Variants in DMD observed in about 807,000 individuals in gnomAD.
The protein encoded by DMD is dystrophin.
DMD carries 63 observed loss-of-function variants against 330.1 expected under a neutral mutation model. That is an observed-to-expected ratio of 0.19 (90% CI 0.16 to 0.24). The LOEUF (loss-of-function observed/expected upper bound fraction) is 0.24. Ranked by LOEUF, DMD falls within the 10% of genes least tolerant of loss-of-function variation. The pLI is 1.00. For missense variants in DMD, 3,344 were observed against 2,684.1 expected, an observed-to-expected ratio of 1.25 and a Z score of -5.43; for synonymous variants, 1,223 against 959.8, an observed-to-expected ratio of 1.27 and a Z score of -5.07.
intron 60 of DMD, among the ~76,000 whole-genome samples, chrX:31,351,372 G>A (rs1006003009): frequency 9.1e-6 from 1 of 110,454 alleles, no homozygotes; most frequent in Non-Finnish European, 1.9e-5. Context: ...TTTCTGTCAC[G>A]TGGTAATTGC....
At chrX:32,224,030 A>T (rs768960305) in intron 43 of DMD, among the ~76,000 whole-genome samples, 5 of 111,396 alleles carry the variant, frequency 4.5e-5, no homozygotes, top group African/African-American at 1.6e-4. Context: ...CTTTTCAAGA[A>T]CTTTTCCCAT....
At chrX:32,510,994 A>C (rs1198665448) in intron 18 of DMD, among the ~76,000 whole-genome samples, 1 of 109,909 alleles carries the variant, frequency 9.1e-6, no homozygotes, top group Non-Finnish European at 1.9e-5. Flanking sequence ...GTGTATGTAC[A>C]TATATGTACA....
intron 1 of DMD, among the ~76,000 whole-genome samples, chrX:33,204,422 TC>T (rs2148839682): frequency 8.9e-6 from 1 of 111,790 alleles, no homozygotes; most frequent in Non-Finnish European, 1.9e-5. Context: ...CTCCCTCTTT[TC>T]TTTTGGACAA....
intron 45 of DMD, among the ~76,000 whole-genome samples, chrX:31,967,916 CTA>C: frequency 8.9e-6 from 1 of 111,858 alleles, no homozygotes; most frequent in South Asian, 3.7e-4. Flanking sequence ...GTAAGTGACA[CTA>C]TCACTTTTTT....
At chrX:32,496,466 T>G (rs1472989256) in intron 19 of DMD, among the ~76,000 whole-genome samples, 7 of 112,265 alleles carry the variant, frequency 6.2e-5, no homozygotes, top group Non-Finnish European at 1.3e-4. Context: ...TAAAAATTAA[T>G]AGTATATATA....
chrX:32,115,030 A>G (rs753035315), intron 44 of DMD, among the ~76,000 whole-genome samples: 2 of 112,142 alleles, frequency 1.8e-5, no homozygotes, highest in South Asian at 3.8e-4. Context: ...TTTTGATTCT[A>G]TCATGAAGGA....
intron 75 of DMD, 36 bp from the exon 76 acceptor site, chrX:31,146,450 T>A (rs779670044): frequency 1.7e-6 from 2 of 1,183,055 alleles, no homozygotes; most frequent in Non-Finnish European, 2.3e-6. Context: ...TTACTTTTCA[T>A]AATAAACATA....
chrX:31,506,448 T>C (rs770568185), intron 56 of DMD, among the ~76,000 whole-genome samples: 58 of 112,208 alleles, frequency 5.2e-4, no homozygotes, highest in African/African-American at 1.8e-3. Context: ...TAAAGAGAAA[T>C]GAATTAAGAA....
intron 42 of DMD, among the ~76,000 whole-genome samples, chrX:32,292,302 C>CATTTTTTTTTTTTTTTTTT (rs2097474717): frequency 1.6e-5 from 1 of 62,926 alleles, no homozygotes; most frequent in Middle Eastern, 0.01. Context: ...AGGGAATATT[C>CATTTTTTTTTTTTTTTTTT]TTTTTTTTTT....
In DMD at chrX:31,950,698, T is replaced by G. The variant is rs574914156; in HGVS notation, c.6614+17641A>C. 1.4e-4 allele frequency among the ~76,000 whole-genome samples: 16 copies of G among 111,195 alleles called. No individual in the cohort carries two copies. The South Asian group carries it at 5.5e-3, about 38-fold the overall frequency. ...TAATTATATACGTTTATAATTGTTATATTTTCTGCTTAATTGACCCCTTAT... is the reference window on the plus strand; with the variant it reads ...TAATTATATACGTTTATAATTGTTAGATTTTCTGCTTAATTGACCCCTTAT... On this transcript the variant is annotated intron_variant, in intron 45 of 78. Coordinates refer to ENST00000357033, the MANE Select transcript of DMD (RefSeq NM_004006.3).
intron 1 of DMD, among the ~76,000 whole-genome samples, chrX:33,257,629 T>C: frequency 9.0e-6 from 1 of 111,272 alleles, no homozygotes; most frequent in South Asian, 3.7e-4. Context: ...CCATTAGTAA[T>C]CACGGTGATG....
chrX:31,692,574 A>G (rs1285206366), intron 52 of DMD, among the ~76,000 whole-genome samples: 1 of 111,942 alleles, frequency 8.9e-6, no homozygotes, highest in East Asian at 2.8e-4. Context: ...CAGAAATCAA[A>G]GAGAAGACAT....
At chrX:32,530,798 A>G (rs2047407415) in intron 17 of DMD, among the ~76,000 whole-genome samples, 1 of 112,209 alleles carries the variant, frequency 8.9e-6, no homozygotes, top group Admixed American at 9.5e-5. Context: ...GTGCAAGAAA[A>G]TCACCTTAAC....
chrX:32,987,480 C>G (rs1340390517), intron 2 of DMD, among the ~76,000 whole-genome samples: 1 of 111,721 alleles, frequency 9.0e-6, no homozygotes, highest in Admixed American at 9.6e-5. Flanking sequence ...GAGGCAGATT[C>G]AGCAAACTGT....
intron 7 of DMD, among the ~76,000 whole-genome samples, chrX:32,707,676 T>A (rs1222278536): frequency 8.9e-6 from 1 of 112,086 alleles, no homozygotes; most frequent in Non-Finnish European, 1.9e-5. Context: ...TAAATATATT[T>A]TATTTGAAAA....
At chrX:32,587,858 T>A (rs2054467134) in intron 13 of DMD, among the ~76,000 whole-genome samples, 1 of 111,854 alleles carries the variant, frequency 8.9e-6, no homozygotes, top group South Asian at 3.7e-4. Flanking sequence ...TTTTAAATGC[T>A]TTAGCTTCTC....
At chrX:33,333,558 G>A (rs1165759706) in intron 1 of DMD, among the ~76,000 whole-genome samples, 3 of 110,600 alleles carry the variant, frequency 2.7e-5, no homozygotes, top group Non-Finnish European at 5.7e-5. Flanking sequence ...AATTTCCAGC[G>A]CTACCAGTGA....
At chrX:32,134,162 A>T (rs1302387554) in intron 44 of DMD, among the ~76,000 whole-genome samples, 1 of 110,995 alleles carries the variant, frequency 9.0e-6, no homozygotes, top group Non-Finnish European at 1.9e-5. Context: ...ACTTTTGAAC[A>T]TACTATACAA....
rs35906927 is a variant in DMD, at chrX:33,095,964, A to ATTT, written c.32-75767_32-75765dup. On this transcript the variant is annotated intron_variant, in intron 1 of 78. Coordinates refer to ENST00000357033, the MANE Select transcript of DMD (RefSeq NM_004006.3). Reference sequence around the variant, plus strand: ...TAAATCAAACACTACTTCTTCCAGAATTTTTTTTTTTTTTTTTTTTTTTTT... The same window carrying ATTT: ...TAAATCAAACACTACTTCTTCCAGAATTTTTTTTTTTTTTTTTTTTTTTTTTTT... Among the ~76,000 whole-genome samples, 289 of 51,579 alleles carry ATTT rather than the reference A, an allele frequency of 5.6e-3. 34 individuals are homozygous for ATTT. The highest frequency in any genetic ancestry group is 0.016 in the African/African-American group (207 of 13,193). The allele number at this position is 51,579 out of a possible 115,157, so 44.8% of individuals were successfully genotyped here.
Sources: allele counts gnomAD v4.1 joint callset (sites outside exome capture counted in the v4.1 genomes callset), GRCh38; gene constraint gnomAD v4.1.1; transcripts MANE v1.5; gene names NCBI Gene and HGNC (gene_info 2026-07-23, HGNC 2026-07-21).